FAM135A: variants seen among roughly 807,000 people sequenced by gnomAD.
The protein encoded by FAM135A is protein FAM135A.
Under a neutral mutation model 146.8 loss-of-function variants are expected in FAM135A, and 79 were observed. The ratio of observed to expected loss-of-function variants is 0.54; its 90% CI spans 0.45 to 0.65. FAM135A has a LOEUF of 0.65. Ranked by LOEUF, FAM135A falls within the 30% of genes least tolerant of loss-of-function variation. The pLI is 0.00. For synonymous variants in FAM135A, 562 were observed against 603.6 expected (o/e 0.93, Z 1.01); for missense variants, 1,623 against 1,758.2 (o/e 0.92, Z 1.38).
intron 12 of FAM135A, among the ~76,000 whole-genome samples, chr6:70,511,466 AAATCCACATGGTAAGGGGG>A (rs1419717897): frequency 6.6e-6 from 1 of 151,940 alleles, no homozygotes; most frequent in Non-Finnish European, 1.5e-5. Flanking sequence ...GCAATGGAAA[AAATCCACATGGTAAGGGGG>A]AGAGAAAAGG....
intron 2 of FAM135A, among the ~76,000 whole-genome samples, chr6:70,421,884 A>G (rs908772916): frequency 6.6e-6 from 1 of 152,230 alleles, no homozygotes; most frequent in African/African-American, 2.4e-5. Flanking sequence ...CAGGAGGGTC[A>G]TGAAACTCTT....
intron 17 of FAM135A, 99 bp from the exon 18 acceptor site, chr6:70,533,658 A>AAATTAAAT (rs1561994758): frequency 2.8e-6 from 2 of 721,194 alleles, no homozygotes; most frequent in African/African-American, 3.8e-5. Context: ...GAACTTAACC[A>AAATTAAAT]TACTTTCAGT....
Position 70,452,513 on chromosome 6 carries a change from T to C in FAM135A, c.99T>C (p.Ser33=). ...FQRGFYQIRA[S]MKIPSRIPHR... ...TTAGTTTTTACCAGATTCGTGCTTC[T>C]ATGAAAATTCCATCAAGAATTCCCC... Residue 33 remains serine (S), a synonymous_variant, in exon 5 of 22, where the codon TCT becomes TCC. Transcript: ENST00000418814. 1 of 1,597,508 alleles carries C rather than the reference T, an allele frequency of 6.3e-7. No homozygotes were observed. The highest frequency in any genetic ancestry group is 8.5e-7 in the Non-Finnish European group (1 of 1,175,458).
rs377304421 is a variant in FAM135A at position 70,528,250 on chromosome 6, A to G, written c.3615-42A>G. 1.9e-6 allele frequency: 3 copies of G among 1,554,526 alleles called. No individual in the cohort carries two copies. The African/African-American group carries it at 4.1e-5, about 21-fold the overall frequency. ...AATTCAGGAGGGTTCTAACAACTGA[A>G]TATGATCCTTAGTAAAGAGTATCTT... is the stretch of plus-strand genomic sequence containing the variant. On this transcript the variant is annotated intron_variant, in intron 15 of 21. Transcript: ENST00000418814.
chr6:70,436,040 C>T (rs1469195858), intron 4 of FAM135A, among the ~76,000 whole-genome samples: 2 of 151,998 alleles, frequency 1.3e-5, no homozygotes, highest in Non-Finnish European at 2.9e-5. Flanking sequence ...AAAAATTAGC[C>T]AGGCATGGTG....
rs561416579 is a variant in FAM135A, at chr6:70,420,698, T to A, written c.-134+5322T>A. On this transcript the variant is annotated intron_variant, in intron 2 of 21. Coordinates refer to ENST00000418814, the MANE Select transcript of FAM135A (RefSeq NM_001162529.3). The stretch of plus-strand genomic sequence containing the variant: ...TTTAAATTTTTCTAATAACCACATT[T>A]AAAAAATTAAAAATAAGTAAAATTA... 7.4e-4 allele frequency among the ~76,000 whole-genome samples: 112 copies of A among 152,286 alleles called. 4 individuals carry two copies. The South Asian group carries it at 0.021, about 29-fold the overall frequency.
chr6:70,509,819 A>G (rs1472459288), intron 12 of FAM135A, among the ~76,000 whole-genome samples: 2 of 152,148 alleles, frequency 1.3e-5, no homozygotes, highest in Non-Finnish European at 2.9e-5. Flanking sequence ...CAGACCTGAT[A>G]TTTCCACATT....
chr6:70,459,881 AT>A, intron 5 of FAM135A, among the ~76,000 whole-genome samples: 2 of 152,154 alleles, frequency 1.3e-5, no homozygotes, highest in Middle Eastern at 3.2e-3. Flanking sequence ...TGCAAAAAAA[AT>A]TAGCCAGGCG....
At chr6:70,533,980 G>A (rs1020988306) in intron 18 of FAM135A, 126 bp downstream of exon 18, 1 of 427,640 alleles carries the variant, frequency 2.3e-6, no homozygotes, top group Admixed American at 4.6e-5. Flanking sequence ...TTAATTTATA[G>A]TGAAAAAAAG....
At chr6:70,501,894 G>T (rs1788648846) in intron 11 of FAM135A, among the ~76,000 whole-genome samples, 1 of 152,198 alleles carries the variant, frequency 6.6e-6, no homozygotes, top group Admixed American at 6.5e-5. Context: ...GCAGACCAGA[G>T]CTGTTCCTAT....
chr6:70,553,652 A>G (rs2128494189), intron 20 of FAM135A, among the ~76,000 whole-genome samples: 1 of 152,316 alleles, frequency 6.6e-6, no homozygotes, highest in Non-Finnish European at 1.5e-5. Flanking sequence ...AATTTTTATA[A>G]TGGATGTGAA....
intron 12 of FAM135A, among the ~76,000 whole-genome samples, chr6:70,510,169 G>A (rs114783243): frequency 0.021 from 3,084 of 145,778 alleles, 108 homozygotes; most frequent in African/African-American, 0.074. Context: ...TTTATTGACA[G>A]CACCACCGAA....
chr6:70,493,127 A>T (rs1015987030), intron 11 of FAM135A, among the ~76,000 whole-genome samples: 1 of 152,102 alleles, frequency 6.6e-6, no homozygotes, highest in African/African-American at 2.4e-5. Context: ...TTCAGAAAAT[A>T]TTTATTAATC....
At chr6:70,549,340 T>C (rs1315517010) in intron 20 of FAM135A, among the ~76,000 whole-genome samples, 1 of 152,046 alleles carries the variant, frequency 6.6e-6, no homozygotes, top group Non-Finnish European at 1.5e-5. Context: ...TATACAAACA[T>C]GAAAAGCTGT....
At chr6:70,428,577 T>C (rs888655612) in intron 4 of FAM135A, among the ~76,000 whole-genome samples, 158 bp downstream of exon 4, 3 of 152,182 alleles carry the variant, frequency 2.0e-5, no homozygotes, top group Non-Finnish European at 4.4e-5. Context: ...AAATAGATAT[T>C]TTGGGATTAT....
At chr6:70,538,808 AT>A (rs913647627) in intron 20 of FAM135A, among the ~76,000 whole-genome samples, 1 of 70,314 alleles carries the variant, frequency 1.4e-5, no homozygotes, top group Non-Finnish European at 2.5e-5. Context: ...ATGTTATGTT[AT>A]ATTATATTAT....
chr6:70,534,575 G>A (rs1263748894), intron 18 of FAM135A, among the ~76,000 whole-genome samples: 1 of 151,976 alleles, frequency 6.6e-6, no homozygotes, highest in South Asian at 2.1e-4. Context: ...GCCTCCCAAA[G>A]TGCTGGGATT....
chr6:70,415,043 A>G (rs1767252709), intron 1 of FAM135A, among the ~76,000 whole-genome samples: 2 of 152,236 alleles, frequency 1.3e-5, no homozygotes, highest in Non-Finnish European at 2.9e-5. Flanking sequence ...TCTGTTCTCT[A>G]ATAAATGCAT....
intron 2 of FAM135A, among the ~76,000 whole-genome samples, chr6:70,420,804 A>G (rs553177639): frequency 6.6e-6 from 1 of 152,156 alleles, no homozygotes; most frequent in African/African-American, 2.4e-5. Flanking sequence ...TTAATGAGAT[A>G]TTTATGTTCT....
Sources: gnomAD v4.1 joint callset for allele counts (sites outside exome capture counted in the v4.1 genomes callset) on GRCh38, gnomAD v4.1.1 for gene constraint, MANE v1.5 for transcripts, NCBI Gene and HGNC (gene_info 2026-07-23, HGNC 2026-07-21) for gene names.